CNOT6L: variants seen among roughly 807,000 people sequenced by gnomAD.
The protein encoded by CNOT6L is CCR4-NOT transcription complex subunit 6 like.
A neutral mutation model predicts 64.0 loss-of-function variants in CNOT6L; 7 were observed. The ratio of observed to expected loss-of-function variants is 0.11; its 90% CI spans 0.06 to 0.21. The LOEUF (loss-of-function observed/expected upper bound fraction) is 0.21, where lower values mean the gene tolerates loss of function less well. Among genes scored for constraint, CNOT6L ranks in the 10% least tolerant of loss-of-function variants. CNOT6L has a pLI of 1.00. For synonymous variants in CNOT6L, 193 were observed against 243.4 expected (o/e 0.79, Z 1.93); for missense variants, 245 against 669.0 (o/e 0.37, Z 6.99).
intron 4 of CNOT6L, among the ~76,000 whole-genome samples, chr4:77,762,854 T>C (rs1261599513): frequency 1.3e-5 from 2 of 152,160 alleles, no homozygotes; most frequent in Non-Finnish European, 2.9e-5. Flanking sequence ...CTGTTCTATT[T>C]CTTGACTGTG....
chr4:77,769,321 G>GA (rs1488191933), intron 4 of CNOT6L, among the ~76,000 whole-genome samples: 3 of 152,056 alleles, frequency 2.0e-5, no homozygotes, highest in African/African-American at 7.2e-5. Flanking sequence ...AGGTATAGGG[G>GA]ATCTATAATG....
intron 8 of CNOT6L, among the ~76,000 whole-genome samples, chr4:77,736,862 A>G (rs1723004503): frequency 1.3e-5 from 2 of 152,208 alleles, no homozygotes; most frequent in African/African-American, 4.8e-5. Flanking sequence ...AAAAGAACAT[A>G]TATTAATATA....
intron 4 of CNOT6L, among the ~76,000 whole-genome samples, chr4:77,760,711 T>G (rs1726104731): frequency 6.7e-6 from 1 of 150,266 alleles, no homozygotes; most frequent in Non-Finnish European, 1.5e-5. Context: ...AAAAAGACAG[T>G]AAAAGGAAAG....
At chr4:77,751,485 G>A (rs949996169) in intron 5 of CNOT6L, among the ~76,000 whole-genome samples, 1 of 152,160 alleles carries the variant, frequency 6.6e-6, no homozygotes, top group Non-Finnish European at 1.5e-5. Flanking sequence ...AGTATTCTAT[G>A]AGAGAACAGG....
intron 4 of CNOT6L, among the ~76,000 whole-genome samples, chr4:77,769,923 T>C (rs1471322565): frequency 6.6e-6 from 1 of 152,170 alleles, no homozygotes; most frequent in Non-Finnish European, 1.5e-5. Context: ...TCGGATAAAG[T>C]ATTGCCTTAC....
At chr4:77,776,558 G>A (rs1728164313) in intron 1 of CNOT6L, among the ~76,000 whole-genome samples, 166 bp from the exon 2 acceptor site, 1 of 152,202 alleles carries the variant, frequency 6.6e-6, no homozygotes, top group African/African-American at 2.4e-5. Context: ...ATTATCTGCA[G>A]TATGCTAGGA....
chr4:77,779,625 A>C (rs942506233), intron 1 of CNOT6L, among the ~76,000 whole-genome samples: 2 of 152,136 alleles, frequency 1.3e-5, no homozygotes, highest in Non-Finnish European at 2.9e-5. Context: ...CTGCCATATT[A>C]GGGGTCAGAG....
At position 77,724,465 on chromosome 4, in the gene CNOT6L, C is replaced by G. The variant is rs1248441674; in HGVS notation, c.1455+1702G>C. Among the ~76,000 whole-genome samples, 4 of 151,792 alleles carry G rather than the reference C, an allele frequency of 2.6e-5. 1 individual carries two copies. Among genetic ancestry groups the G allele is most frequent in the Admixed American group, 6.6e-5 (1 of 15,228 alleles). On this transcript the variant is annotated intron_variant, in intron 11 of 11. Transcript: ENST00000504123. ...ACCAGCATGGGCAACATGGCAAAAC[C>G]CTGTCTGTACTAAAAATACAAAAAA...
At chr4:77,776,119 C>T (rs1040093975) in intron 2 of CNOT6L, among the ~76,000 whole-genome samples, 152 bp downstream of exon 2, 2 of 152,134 alleles carry the variant, frequency 1.3e-5, no homozygotes, top group African/African-American at 2.4e-5. Flanking sequence ...GATATTCAGT[C>T]ACACATAAAA....
chr4:77,780,659 A>G (rs1234114899), intron 1 of CNOT6L, among the ~76,000 whole-genome samples: 1 of 152,202 alleles, frequency 6.6e-6, no homozygotes, highest in Non-Finnish European at 1.5e-5. Flanking sequence ...CCTACTTCTT[A>G]TATACTCCTT....
chr4:77,759,587 C>T (rs938234853), intron 4 of CNOT6L, among the ~76,000 whole-genome samples: 3 of 144,592 alleles, frequency 2.1e-5, no homozygotes, highest in Non-Finnish European at 4.6e-5. Flanking sequence ...AAAAAAAAAA[C>T]AACCAAGATG....
chr4:77,800,379 C>T (rs1478140370), intron 1 of CNOT6L, among the ~76,000 whole-genome samples: 1 of 151,594 alleles, frequency 6.6e-6, no homozygotes, highest in Non-Finnish European at 1.5e-5. Flanking sequence ...GGCACAGTAG[C>T]ATGTGACTGT....
chr4:77,790,895 C>T lies in CNOT6L; in HGVS notation c.6-14503G>A, dbSNP rs182248576. ...GGCTGGTCTCGAACACTCCTGACCT[C>T]GTGATCCACCCGCCTCGGCTTTCCA... On this transcript the variant is annotated intron_variant, in intron 1 of 11. Transcript: ENST00000504123. Among the ~76,000 whole-genome samples, 869 of 150,762 alleles carry T rather than the reference C, an allele frequency of 5.8e-3. 8 individuals carry two copies. Among genetic ancestry groups the T allele is most frequent in the African/African-American group, 0.021 (841 of 41,002 alleles).
intron 8 of CNOT6L, among the ~76,000 whole-genome samples, chr4:77,741,065 C>T (rs1016833383): frequency 1.3e-5 from 2 of 152,032 alleles, no homozygotes; most frequent in Non-Finnish European, 2.9e-5. Context: ...TTAAGAGATA[C>T]GTAGTTTTAA....
At chr4:77,760,592 G>T (rs560789600) in intron 4 of CNOT6L, among the ~76,000 whole-genome samples, 4 of 150,382 alleles carry the variant, frequency 2.7e-5, no homozygotes, top group African/African-American at 9.8e-5. Flanking sequence ...AAAAAATACC[G>T]AATTCAAAGC....
chr4:77,728,042 T>C (rs1341985896), intron 10 of CNOT6L, among the ~76,000 whole-genome samples: 2 of 152,196 alleles, frequency 1.3e-5, no homozygotes, highest in African/African-American at 4.8e-5. Context: ...AAAAGAGTAA[T>C]AGTCTAATGT....
chr4:77,803,130 A>G (rs1182082369), intron 1 of CNOT6L, among the ~76,000 whole-genome samples: 2 of 152,158 alleles, frequency 1.3e-5, no homozygotes, highest in Non-Finnish European at 1.5e-5. Context: ...TAACAAAGTA[A>G]TAAGAAAAAC....
intron 5 of CNOT6L, among the ~76,000 whole-genome samples, chr4:77,754,951 G>T (rs1725347721): frequency 1.9e-5 from 2 of 106,230 alleles, no homozygotes; most frequent in Non-Finnish European, 3.8e-5. Flanking sequence ...ATATATTCAT[G>T]ATCTTGTGGT....
chr4:77,808,087 A>T (rs1373793301), intron 1 of CNOT6L, among the ~76,000 whole-genome samples: 1 of 152,204 alleles, frequency 6.6e-6, no homozygotes, highest in Admixed American at 6.5e-5. Flanking sequence ...AAAACAAAAA[A>T]ATTACAGCAA....
Sources: gnomAD v4.1 joint callset for allele counts (sites outside exome capture counted in the v4.1 genomes callset) on GRCh38, gnomAD v4.1.1 for gene constraint, MANE v1.5 for transcripts, NCBI Gene and HGNC (gene_info 2026-07-23, HGNC 2026-07-21) for gene names.